Variants in C8B observed in about 807,000 individuals in gnomAD.
C8B encodes complement component C8 beta chain.
A neutral mutation model predicts 64.6 loss-of-function variants in C8B; 67 were observed. The observed-to-expected ratio is 1.04, with a 90% CI of 0.85 to 1.27. The LOEUF is 1.27. Among genes scored for constraint, C8B ranks in the 50% most tolerant of loss-of-function variants. The pLI is 0.00. For missense variants in C8B, 790 were observed against 725.2 expected (o/e 1.09, Z -1.03); for synonymous variants, 284 against 257.7 (o/e 1.10, Z -0.98).
intron 8 of C8B, among the ~76,000 whole-genome samples, chr1:56,941,509 CATA>C (rs1644856795): frequency 3.5e-5 from 3 of 86,722 alleles, no homozygotes; most frequent in Non-Finnish European, 8.2e-5. Flanking sequence ...TAGATAGATA[CATA>C]GATAGATAGA....
Position 56,945,989 on chromosome 1 carries a change from G to A in C8B, c.937C>T (p.Leu313Phe), listed in dbSNP as rs1252510178. The A allele has an allele frequency of 1.9e-6, 3 of 1,614,156 alleles. No individual in the cohort carries two copies. In the East Asian group the frequency reaches 6.7e-5, roughly 36 times the overall value. ...HYKLKPRSLMLHYEFLQRVKR... is the reference protein window; with the variant it reads ...HYKLKPRSLMFHYEFLQRVKR... Reference sequence around the variant, plus strand: ...ACTCTCTGAAGGAACTCGTAATGGAGCATGAGGCTTCTGGGTTTCAGCTTG... The same window carrying A: ...ACTCTCTGAAGGAACTCGTAATGGAACATGAGGCTTCTGGGTTTCAGCTTG... Residue 313 changes from leucine (L) to phenylalanine (F), a missense_variant, in exon 7 of 12, where the codon CTC (leucine) becomes TTC (phenylalanine). Physicochemically the swap from Leu to Phe is conservative, Grantham distance 22 (BLOSUM62 0). Coordinates refer to ENST00000371237, the MANE Select transcript of C8B (RefSeq NM_000066.4).
chr1:56,959,382 C>T (rs1336223937), intron 2 of C8B: 10 of 628,626 alleles, frequency 1.6e-5, no homozygotes, highest in East Asian at 5.5e-5. Context: ...AAGGAGCTAT[C>T]GAAGCTCATA....
intron 4 of C8B, among the ~76,000 whole-genome samples, chr1:56,953,111 C>T (rs1438844503): frequency 6.6e-6 from 1 of 152,132 alleles, no homozygotes; most frequent in African/African-American, 2.4e-5. Flanking sequence ...GATGTTATCT[C>T]CATTTTAGAG....
chr1:56,959,598 G>A, intron 2 of C8B: 1 of 1,535,518 alleles, frequency 6.5e-7, no homozygotes, highest in East Asian at 2.4e-5. Flanking sequence ...CCATTGTGCT[G>A]GAAATGTAGG....
intron 6 of C8B, 84 bp from the exon 7 acceptor site, chr1:56,946,145 G>A (rs778693329): frequency 3.0e-4 from 455 of 1,521,240 alleles, no homozygotes; most frequent in Non-Finnish European, 3.7e-4. Context: ...AATACCATCC[G>A]ATGTTCTTGG....
At chr1:56,963,887 GAGTA>G (rs1442532053) in intron 1 of C8B, 1 of 985,390 alleles carries the variant, frequency 1.0e-6, no homozygotes, top group African/African-American at 1.7e-5. Context: ...TTGATTACAA[GAGTA>G]AGTAAGAACA....
chr1:56,938,201 C>T (rs371198150), intron 9 of C8B, among the ~76,000 whole-genome samples: 1 of 152,150 alleles, frequency 6.6e-6, no homozygotes, highest in Non-Finnish European at 1.5e-5. Flanking sequence ...CTCTGTCTAT[C>T]GTATTTCTTT....
chr1:56,962,940 A>G (rs1245360470), intron 1 of C8B, among the ~76,000 whole-genome samples: 4 of 152,196 alleles, frequency 2.6e-5, no homozygotes, highest in Non-Finnish European at 2.9e-5. Flanking sequence ...TCATAAAGAG[A>G]TCTAGTTCAT....
chr1:56,929,385 C>G lies in C8B; in HGVS notation c.*19G>C. ...GGCTCAGGGCTCTCATTGTATGTAG[C>G]CCACTGCTGTATCATCTGCTAGGAG... is the stretch of plus-strand genomic sequence containing the variant. On this transcript the variant is annotated 3_prime_UTR_variant, in exon 12 of 12. Coordinates refer to ENST00000371237, the MANE Select transcript of C8B (RefSeq NM_000066.4). The G allele has an allele frequency of 4.3e-6, 7 of 1,611,698 alleles. No homozygotes were observed. Among genetic ancestry groups the G allele is most frequent in the Non-Finnish European group, 5.9e-6 (7 of 1,179,570 alleles).
At chr1:56,953,623 T>C (rs143308998) in intron 4 of C8B, among the ~76,000 whole-genome samples, 79 of 152,320 alleles carry the variant, frequency 5.2e-4, no homozygotes, top group African/African-American at 1.7e-3. Flanking sequence ...CGTATGTTAG[T>C]CACATTCACT....
intron 1 of C8B, chr1:56,963,927 G>T (rs899107015): frequency 1.0e-6 from 1 of 985,200 alleles, no homozygotes; most frequent in Non-Finnish European, 1.2e-6. Context: ...CAATACGAAG[G>T]TGGTCTCAGC....
chr1:56,945,909 A>G lies in C8B; in HGVS notation c.1017T>C (p.Asp339=), dbSNP rs1644933784. The change falls in exon 7 of 12, where the codon GAT becomes GAC. Residue 339 remains aspartate, a synonymous_variant. Coordinates refer to ENST00000371237, the MANE Select transcript of C8B (RefSeq NM_000066.4). ...SYGEYRDLFR[D]FGTHYITEAV... Reference sequence around the variant, plus strand: ...CCTCTGTGATGTAGTGGGTCCCAAAATCACGGAAGAGATCTCTGTATTCCC... The same window carrying G: ...CCTCTGTGATGTAGTGGGTCCCAAAGTCACGGAAGAGATCTCTGTATTCCC... The G allele has an allele frequency of 6.2e-7, 1 of 1,614,126 alleles. No individual in the cohort carries two copies. The highest frequency in any genetic ancestry group is 1.3e-5 in the African/African-American group (1 of 75,030).
Position 56,959,597 on chromosome 1 carries a change from T to G in C8B, c.249+423A>C, listed in dbSNP as rs1182767557. 15 of 1,535,470 alleles carry G rather than the reference T, an allele frequency of 9.8e-6. 1 individual carries two copies. The highest frequency in any genetic ancestry group is 3.3e-4 in the Middle Eastern group (2 of 6,012). On this transcript the variant is annotated intron_variant, in intron 2 of 11. Transcript: ENST00000371237. The stretch of plus-strand genomic sequence containing the variant: ...AGAGTCATACAAGTGTCCATTGTGC[T>G]GGAAATGTAGGCTAGATTCGGTCAC...
At chr1:56,951,353 C>T (rs1378580373) in intron 5 of C8B, among the ~76,000 whole-genome samples, 1 of 152,142 alleles carries the variant, frequency 6.6e-6, no homozygotes, top group Non-Finnish European at 1.5e-5. Context: ...AGGAACTTAA[C>T]CTAAGGTAAA....
At chr1:56,960,276 T>G in intron 1 of C8B, 100 bp from the exon 2 acceptor site, 2 of 1,090,136 alleles carry the variant, frequency 1.8e-6, no homozygotes, top group Non-Finnish European at 2.8e-6. Flanking sequence ...ATTTGCTCAC[T>G]TGTGCAAGGC....
intron 1 of C8B, among the ~76,000 whole-genome samples, chr1:56,965,398 A>AGAGTGTGTGTGT (rs1553120321): frequency 7.9e-4 from 112 of 142,674 alleles, no homozygotes; most frequent in African/African-American, 2.7e-3. Flanking sequence ...AGAGAGAGAG[A>AGAGTGTGTGTGT]GTGTGTGTGT....
chr1:56,943,422 C>G (rs1260320530), intron 8 of C8B, among the ~76,000 whole-genome samples: 2 of 152,144 alleles, frequency 1.3e-5, no homozygotes, highest in African/African-American at 4.8e-5. Context: ...TAGAAGTGAA[C>G]TAACTATAGT....
rs754719995 is a variant in C8B at position 56,931,878 on chromosome 1, C to G, written c.1553G>C (p.Gly518Ala). ...CQGNGVPVLK[G>A]SRCDCICPVG... ...AGGACAGATGCAGTCACAGCGTGAT[C>G]CTGAGAAGACAAGGCAGAGAAAGTG... The change falls in exon 11 of 12, where the codon GGA becomes GCA. Residue 518 changes from glycine (G) to alanine (A), a missense_variant and splice_region_variant. Transcript: ENST00000371237. 1 of 1,611,236 alleles carries G rather than the reference C, an allele frequency of 6.2e-7. No individual in the cohort carries two copies. Among genetic ancestry groups the G allele is most frequent in the South Asian group, 1.1e-5 (1 of 90,998 alleles).
chr1:56,949,539 A>G lies in C8B; in HGVS notation c.864+16T>C. On this transcript the variant is annotated intron_variant, in intron 6 of 11. Coordinates refer to ENST00000371237, the MANE Select transcript of C8B (RefSeq NM_000066.4). ...AAGACAACATATACGTTTAAAAGCA[A>G]CAAAGACATACTTACAGTATGAGAG... is the stretch of plus-strand genomic sequence containing the variant. 1 of 1,608,232 alleles carries G rather than the reference A, an allele frequency of 6.2e-7. No homozygotes were observed. Among genetic ancestry groups the G allele is most frequent in the Non-Finnish European group, 8.5e-7 (1 of 1,174,772 alleles).
Sources: allele counts gnomAD v4.1 joint callset (sites outside exome capture counted in the v4.1 genomes callset), GRCh38; gene constraint gnomAD v4.1.1; transcripts MANE v1.5; gene names NCBI Gene and HGNC (gene_info 2026-07-23, HGNC 2026-07-21).